Variants in DENND2B observed in about 807,000 individuals in gnomAD.
DENND2B encodes the protein DENN domain-containing protein 2B.
In DENND2B, 32 loss-of-function variants were observed where a neutral mutation model predicts 116.0. The ratio of observed to expected loss-of-function variants is 0.28; its 90% CI spans 0.21 to 0.37. DENND2B has a LOEUF of 0.37. Ranked by LOEUF, DENND2B falls within the 10% of genes least tolerant of loss-of-function variation. The probability of loss-of-function intolerance (pLI) is 1.00; values close to 1 mark genes in which losing one functional copy is unlikely to be tolerated. For missense variants in DENND2B, 1,276 were observed against 1,477.7 expected, an observed-to-expected ratio of 0.86 and a Z score of 2.24; for synonymous variants, 588 against 583.9, an observed-to-expected ratio of 1.01 and a Z score of -0.10.
intron 2 of DENND2B, among the ~76,000 whole-genome samples, chr11:8,865,121 C>CATATT (rs3054958): frequency 0.48 from 73,121 of 151,528 alleles, 18,229 homozygotes; most frequent in Middle Eastern, 0.7. Flanking sequence ...TTATTTCTAT[C>CATATT]ATATTTGCAT....
chr11:8,712,574 C>T lies in DENND2B; in HGVS notation c.2149G>A (p.Glu717Lys). Residue 717 changes from glutamate (E) to lysine (K), a missense_variant, in exon 9 of 20, where the codon GAA (glutamate) becomes AAA (lysine). Coordinates refer to ENST00000313726, the MANE Select transcript of DENND2B (RefSeq NM_213618.2). This position sits in a 1 kb window ranked among gnomAD's most constrained non-coding sequence, Gnocchi z 4.4. Reference protein sequence around the residue: ...KKPSRNTYLPEVSYQFPKLDR... With the variant: ...KKPSRNTYLPKVSYQFPKLDR... Reference sequence around the variant, plus strand: ...ACCTTGGGAAACTGGTAGGAGACTTCGGGGAGGTAGGTGTTTCGCGATGGC... The same window carrying T: ...ACCTTGGGAAACTGGTAGGAGACTTTGGGGAGGTAGGTGTTTCGCGATGGC... The T allele has an allele frequency of 1.3e-6, 2 of 1,553,942 alleles. No homozygotes were observed. The highest frequency in any genetic ancestry group is 1.7e-6 in the Non-Finnish European group (2 of 1,148,048).
intron 4 of DENND2B, among the ~76,000 whole-genome samples, chr11:8,818,925 G>A (rs1173627845): frequency 6.6e-6 from 1 of 152,116 alleles, no homozygotes; most frequent in Admixed American, 6.5e-5. Context: ...TATACAAGAT[G>A]ATTATAAGTG....
intron 11 of DENND2B, among the ~76,000 whole-genome samples, chr11:8,709,089 G>A (rs2043149123): frequency 6.6e-6 from 1 of 152,226 alleles, no homozygotes; most frequent in Non-Finnish European, 1.5e-5. Context: ...TCCGAGTGGG[G>A]AGGGAGCAGA....
At chr11:8,816,221 T>C (rs560191784) in intron 4 of DENND2B, among the ~76,000 whole-genome samples, 6 of 152,228 alleles carry the variant, frequency 3.9e-5, no homozygotes, top group African/African-American at 1.4e-4. Flanking sequence ...CCAGTGGTAT[T>C]CCCACTGAAA....
intron 2 of DENND2B, among the ~76,000 whole-genome samples, chr11:8,863,281 G>A (rs1053977613): frequency 2.8e-5 from 3 of 108,778 alleles, no homozygotes; most frequent in East Asian, 2.7e-4. Context: ...TTTTGAGACC[G>A]AGTCTTGCTC....
At chr11:8,835,659 C>T (rs2134597076) in intron 4 of DENND2B, 1 of 152,356 alleles carries the variant, frequency 6.6e-6, no homozygotes, top group African/African-American at 2.4e-5. Context: ...CCAGCTGGTT[C>T]ATGACTACTG....
rs145519636 is a variant in DENND2B, at chr11:8,750,116, C to A, written c.80+505G>T. Among the ~76,000 whole-genome samples, 246 of 152,142 alleles carry A rather than the reference C, an allele frequency of 1.6e-3. 1 individual carries two copies. The highest frequency in any genetic ancestry group is 5.7e-3 in the African/African-American group (238 of 41,524). On this transcript the variant is annotated intron_variant, in intron 2 of 19. Coordinates refer to ENST00000313726, the MANE Select transcript of DENND2B (RefSeq NM_213618.2). Reference sequence around the variant, plus strand: ...GAAGATTTTATAGGGCACAGGGAAACGTTCTGAGAGCTCGCTATTTGGTAA... The same window carrying A: ...GAAGATTTTATAGGGCACAGGGAAAAGTTCTGAGAGCTCGCTATTTGGTAA...
At chr11:8,788,445 G>A (rs117483908) in intron 1 of DENND2B, among the ~76,000 whole-genome samples, 2,332 of 152,266 alleles carry the variant, frequency 0.015, 30 homozygotes, top group Middle Eastern at 0.071. Flanking sequence ...AAACTGTTTA[G>A]AATGGTTGTC....
In DENND2B at chr11:8,696,502, G is replaced by A. The variant is rs2040380090; in HGVS notation, c.3217C>T (p.Leu1073Phe). The change falls in exon 18 of 20, where the codon CTT becomes TTT. Residue 1073 changes from leucine (L) to phenylalanine (F), a missense_variant. This residue lies in a region of DENND2B where 420 missense variants were observed against 631.1 expected (regional missense o/e 0.67). Coordinates refer to ENST00000313726, the MANE Select transcript of DENND2B (RefSeq NM_213618.2). ...ATCTGAGACTCCATAAAAACCTCAA[G>A]AAAGCGGCGGATGCTTTTGGAGGCC... ...SVASKSIRRFLEVFMESQMFA... is the reference protein window; with the variant it reads ...SVASKSIRRFFEVFMESQMFA... 1 of 1,614,072 alleles carries A rather than the reference G, an allele frequency of 6.2e-7. No homozygotes were observed. Among genetic ancestry groups the A allele is most frequent in the African/African-American group, 1.3e-5 (1 of 74,908 alleles).
chr11:8,740,277 A>G (rs2049971946), intron 2 of DENND2B, among the ~76,000 whole-genome samples: 1 of 152,202 alleles, frequency 6.6e-6, no homozygotes, highest in East Asian at 1.9e-4. Flanking sequence ...AGTGAGAGTT[A>G]AAGTGCATAA....
intron 1 of DENND2B, among the ~76,000 whole-genome samples, chr11:8,753,016 C>A (rs968750638): frequency 6.6e-6 from 1 of 152,146 alleles, no homozygotes; most frequent in Non-Finnish European, 1.5e-5. Context: ...GCAGGCAGAT[C>A]CCTTGAGCCC....
chr11:8,863,593 G>A lies in DENND2B; in HGVS notation c.-249-6157C>T, dbSNP rs551103514. Among the ~76,000 whole-genome samples the A allele has an allele frequency of 4.5e-4, 68 of 152,120 alleles. No individual in the cohort carries two copies. In the South Asian group the frequency reaches 5.2e-3, roughly 12 times the overall value. On this transcript the variant is annotated intron_variant, in intron 2 of 6. Transcript: ENST00000524757. ...TCCTGAGTGCTATTCTAATTCAAAAGAGTGACCTGTCAATGTACAAATGGG... is the reference window on the plus strand; with the variant it reads ...TCCTGAGTGCTATTCTAATTCAAAAAAGTGACCTGTCAATGTACAAATGGG...
At chr11:8,887,002 A>AT (rs2063968424) in intron 1 of DENND2B, among the ~76,000 whole-genome samples, 1 of 151,980 alleles carries the variant, frequency 6.6e-6, no homozygotes, top group East Asian at 1.9e-4. Flanking sequence ...CTAATTTTGT[A>AT]TTTTTAGTAG....
At chr11:8,807,357 T>C (rs1290391594) in intron 1 of DENND2B, among the ~76,000 whole-genome samples, 7 of 152,186 alleles carry the variant, frequency 4.6e-5, no homozygotes, top group African/African-American at 1.4e-4. Flanking sequence ...CCTCCCGTAA[T>C]GCAGTTCTTA....
At chr11:8,698,803 C>T (rs2040928376) in intron 16 of DENND2B, 130 bp downstream of exon 16, 1 of 1,117,798 alleles carries the variant, frequency 8.9e-7, no homozygotes, top group Admixed American at 1.8e-5. Flanking sequence ...TTCTCCCCAC[C>T]CTTGACTAGT....
At chr11:8,754,103 G>T (rs2053175324) in intron 1 of DENND2B, among the ~76,000 whole-genome samples, 1 of 150,464 alleles carries the variant, frequency 6.6e-6, no homozygotes, top group Non-Finnish European at 1.5e-5. Flanking sequence ...AAGAACTTTT[G>T]TGCTGTAAGC....
At chr11:8,745,255 A>G (rs1003699553) in intron 2 of DENND2B, among the ~76,000 whole-genome samples, 38 of 151,638 alleles carry the variant, frequency 2.5e-4, no homozygotes, top group Non-Finnish European at 3.7e-4. Flanking sequence ...GGTTTTTTCC[A>G]TGTTGCCCAG....
rs544780301 is a variant in DENND2B at position 8,742,562 on chromosome 11, T to G, written c.80+8059A>C. On this transcript the variant is annotated intron_variant, in intron 2 of 19. Transcript: ENST00000313726. ...TAGGAAATACAGCTAATAAATCTGA[T>G]GAACTACCTAAGGAGATTTGCAGGC... is the stretch of plus-strand genomic sequence containing the variant. Among the ~76,000 whole-genome samples the G allele has an allele frequency of 6.2e-4, 95 of 152,308 alleles. 1 individual carries two copies. The highest frequency in any genetic ancestry group is 2.3e-3 in the African/African-American group (94 of 41,564).
At chr11:8,744,613 A>C (rs941975284) in intron 2 of DENND2B, among the ~76,000 whole-genome samples, 4 of 152,224 alleles carry the variant, frequency 2.6e-5, no homozygotes, top group Admixed American at 1.3e-4. Flanking sequence ...AGAGAGCAGA[A>C]CCAAAAGCCC....
Sources: allele counts gnomAD v4.1 joint callset (sites outside exome capture counted in the v4.1 genomes callset), GRCh38; gene constraint gnomAD v4.1.1; regional missense constraint gnomAD v4.1.1; non-coding constraint Gnocchi (gnomAD v3.1); transcripts MANE v1.5; gene names NCBI Gene and HGNC (gene_info 2026-07-23, HGNC 2026-07-21).